GFPT1: variants seen among roughly 807,000 people sequenced by gnomAD.
GFPT1 encodes glutamine--fructose-6-phosphate transaminase 1.
GFPT1 carries 40 observed loss-of-function variants against 92.0 expected under a neutral mutation model. The ratio of observed to expected loss-of-function variants is 0.43; its 90% confidence interval spans 0.34 to 0.57. GFPT1 has a LOEUF of 0.57. Among genes scored for constraint, GFPT1 ranks in the 20% least tolerant of loss-of-function variants. GFPT1 has a pLI of 0.02. For synonymous variants in GFPT1, 269 were observed against 280.6 expected, an observed-to-expected ratio of 0.96 and a Z score of 0.41; for missense variants, 448 against 869.1, an observed-to-expected ratio of 0.52 and a Z score of 6.09.
chr2:69,330,787 A>G (rs907190532), intron 15 of GFPT1, among the ~76,000 whole-genome samples: 1 of 152,188 alleles, frequency 6.6e-6, no homozygotes, highest in African/African-American at 2.4e-5. Flanking sequence ...TCACTCCTAA[A>G]TAATAGTACA....
At position 69,373,904 on chromosome 2, in the gene GFPT1, C is replaced by G. The variant is rs1171654783; in HGVS notation, c.115+102G>C. On this transcript the variant is annotated intron_variant, in intron 2 of 19. Transcript: ENST00000357308. ...CAAAAATTCTTCCAATTTACACTTA[C>G]TCAAAACAAAACAGACTTTAATAGT... is the stretch of plus-strand genomic sequence containing the variant. The G allele has an allele frequency of 1.7e-5, 11 of 652,872 alleles. No individual in the cohort carries two copies. The Admixed American group carries it at 2.2e-4, about 13-fold the overall frequency. 40.4% of individuals were successfully genotyped at this position (652,872 alleles called of 1,614,324 possible).
intron 6 of GFPT1, 23 bp downstream of exon 6, chr2:69,358,306 T>C (rs2104655518): frequency 6.3e-7 from 1 of 1,595,694 alleles, no homozygotes; most frequent in East Asian, 2.2e-5. Context: ...GGCATAATTA[T>C]CTTTAAAAAT....
intron 1 of GFPT1, among the ~76,000 whole-genome samples, chr2:69,380,601 A>G (rs1462077430): frequency 1.3e-5 from 2 of 152,090 alleles, no homozygotes; most frequent in African/African-American, 4.8e-5. Flanking sequence ...ATCTTTCTTG[A>G]GAAAAAAAAG....
At chr2:69,344,692 G>A (rs1283735885) in intron 12 of GFPT1, among the ~76,000 whole-genome samples, 1 of 150,480 alleles carries the variant, frequency 6.6e-6, no homozygotes, top group Non-Finnish European at 1.5e-5. Context: ...CAACCAGGCT[G>A]CAGTGCAGTG....
intron 19 of GFPT1, 71 bp downstream of exon 19, chr2:69,326,843 T>C (rs1670543628): frequency 7.0e-7 from 1 of 1,435,198 alleles, no homozygotes; most frequent in Non-Finnish European, 9.8e-7. Context: ...GTTAAAAATT[T>C]AGGAGAAAAA....
At position 69,359,258 on chromosome 2, in the gene GFPT1, C is replaced by T. The variant is rs1194024072; in HGVS notation, c.408+10G>A. The T allele has an allele frequency of 6.7e-7, 1 of 1,484,516 alleles. No individual in the cohort carries two copies. Among genetic ancestry groups the T allele is most frequent in the African/African-American group, 1.4e-5 (1 of 72,476 alleles). The allele number at this position is 1,484,516 out of a possible 1,614,324, so 92.0% of individuals were successfully genotyped here. ...CAAAGACTGGGGTCTTTTGAGGTCA[C>T]CTTACTTACCAAAAACTTTTTCAAG... On this transcript the variant is annotated intron_variant, in intron 5 of 19. Transcript: ENST00000357308.
At chr2:69,381,001 A>G (rs1259629421) in intron 1 of GFPT1, among the ~76,000 whole-genome samples, 2 of 150,186 alleles carry the variant, frequency 1.3e-5, no homozygotes, top group African/African-American at 4.9e-5. Flanking sequence ...TTTTTTTTAG[A>G]CAGAGTCTCG....
intron 15 of GFPT1, among the ~76,000 whole-genome samples, chr2:69,331,874 TAA>T (rs911439105): frequency 6.6e-6 from 1 of 151,972 alleles, no homozygotes; most frequent in South Asian, 2.1e-4. Context: ...TCTCTAAAAT[TAA>T]AAAAAAGAAG....
At chr2:69,342,798 C>T (rs4416261) in intron 12 of GFPT1, among the ~76,000 whole-genome samples, 73,544 of 152,018 alleles carry the variant, frequency 0.48, 18,460 homozygotes, top group African/African-American at 0.63. Context: ...CTGGGAAAAA[C>T]ATTATCTCAG....
chr2:69,364,101 C>T (rs1347445082), intron 3 of GFPT1, among the ~76,000 whole-genome samples: 1 of 141,030 alleles, frequency 7.1e-6, no homozygotes, highest in Non-Finnish European at 1.5e-5. Context: ...GGCAACAGAG[C>T]GAGACTCCAT....
intron 9 of GFPT1, 21 bp from the exon 10 acceptor site, chr2:69,350,204 GAA>G: frequency 1.4e-6 from 2 of 1,469,148 alleles, no homozygotes; most frequent in Non-Finnish European, 1.9e-6. Flanking sequence ...TAGTTAACAT[GAA>G]TTGGCAAACA....
intron 3 of GFPT1, among the ~76,000 whole-genome samples, chr2:69,368,156 G>A (rs528134993): frequency 3.3e-5 from 5 of 152,338 alleles, no homozygotes; most frequent in African/African-American, 1.2e-4. Flanking sequence ...GCCAAGGCGG[G>A]CAGATCACGA....
chr2:69,374,151 T>A, intron 1 of GFPT1, 38 bp from the exon 2 acceptor site: 1 of 1,022,180 alleles, frequency 9.8e-7, no homozygotes, highest in Non-Finnish European at 1.5e-6. Flanking sequence ...AATTCTGATT[T>A]AAAAAATCAA....
At chr2:69,327,307 G>A (rs1006146125) in intron 18 of GFPT1, among the ~76,000 whole-genome samples, 2 of 152,172 alleles carry the variant, frequency 1.3e-5, no homozygotes, top group Non-Finnish European at 2.9e-5. Context: ...ACCAGGCTTA[G>A]TACTTGACTG....
chr2:69,382,933 T>C (rs552737549), intron 1 of GFPT1, among the ~76,000 whole-genome samples: 48 of 152,354 alleles, frequency 3.2e-4, no homozygotes, highest in African/African-American at 1.2e-3. Flanking sequence ...CCTGAAGCTG[T>C]TGCATGTGCA....
At position 69,320,063 on chromosome 2, in the gene GFPT1, T is replaced by C. The variant is rs886056229; in HGVS notation, c.*6126A>G. 2.6e-5 allele frequency: 4 copies of C among 152,214 alleles called. No individual in the cohort carries two copies. Among genetic ancestry groups the C allele is most frequent in the Admixed American group, 2.0e-4 (3 of 15,282 alleles). 9.4% of individuals were successfully genotyped at this position (152,214 alleles called of 1,614,324 possible). A position where few individuals can be genotyped will look rare whatever the true frequency, so the allele number is the denominator to read the frequency against. On this transcript the variant is annotated 3_prime_UTR_variant, in exon 20 of 20. Coordinates refer to ENST00000357308, the MANE Select transcript of GFPT1 (RefSeq NM_001244710.2). ...CTTGAAGATAACAATGGAGCAAGCT[T>C]TTTAATGAACTTGCCATAGTGAAAA...
At chr2:69,373,879 C>T in intron 2 of GFPT1, 127 bp downstream of exon 2, 1 of 567,998 alleles carries the variant, frequency 1.8e-6, no homozygotes, top group Admixed American at 2.7e-5. Flanking sequence ...TGATAAAAGA[C>T]AAAAATTCTT....
At position 69,325,920 on chromosome 2, in the gene GFPT1, AT is replaced by A; in HGVS notation, c.*268del. 2.6e-6 allele frequency: 1 copy of A among 383,750 alleles called. No individual in the cohort carries two copies. 23.8% of individuals were successfully genotyped at this position (383,750 alleles called of 1,614,324 possible). The stretch of plus-strand genomic sequence containing the variant: ...AGGGTCCAGAAATGCAACACCCAGC[AT>A]TCTTTAAAGAAAATAATAGCTAGAA... On this transcript the variant is annotated 3_prime_UTR_variant, in exon 20 of 20. Coordinates refer to ENST00000357308, the MANE Select transcript of GFPT1 (RefSeq NM_001244710.2).
chr2:69,346,060 C>T (rs1012042028), intron 11 of GFPT1, 61 bp from the exon 12 acceptor site: 5 of 938,860 alleles, frequency 5.3e-6, no homozygotes, highest in Middle Eastern at 2.3e-4. Flanking sequence ...AATTTGTACA[C>T]AACTAAAAGT....
Sources: allele counts gnomAD v4.1 joint callset (sites outside exome capture counted in the v4.1 genomes callset), GRCh38; gene constraint gnomAD v4.1.1; transcripts MANE v1.5; gene names NCBI Gene and HGNC (gene_info 2026-07-23, HGNC 2026-07-21).